The following NFIA variants were observed in gnomAD, a reference collection of about 807,000 sequenced individuals.
NFIA encodes the protein nuclear factor I A, also known as nuclear factor 1 A-type.
NFIA carries 8 observed loss-of-function variants against 62.8 expected under a neutral mutation model. The ratio of observed to expected loss-of-function variants is 0.13; its 90% CI spans 0.07 to 0.23. The LOEUF (loss-of-function observed/expected upper bound fraction) is 0.23. Among genes scored for constraint, NFIA ranks in the 10% least tolerant of loss-of-function variants. NFIA has a pLI of 1.00. For missense variants in NFIA, 410 were observed against 642.1 expected, an observed-to-expected ratio of 0.64 and a Z score of 3.91; for synonymous variants, 235 against 238.1, an observed-to-expected ratio of 0.99 and a Z score of 0.12.
intron 4 of NFIA, among the ~76,000 whole-genome samples, chr1:61,348,738 A>G (rs1308097292): frequency 2.6e-5 from 4 of 152,212 alleles, no homozygotes; most frequent in Non-Finnish European, 5.9e-5. Context: ...ACCACGAGCT[A>G]GGAGGCCTCT....
At chr1:61,248,320 G>T (rs760174208) in intron 2 of NFIA, among the ~76,000 whole-genome samples, 1 of 152,090 alleles carries the variant, frequency 6.6e-6, no homozygotes, top group East Asian at 1.9e-4. Context: ...AAAAGGCTTC[G>T]GTGAGATGGA....
chr1:61,403,205 T>C (rs1228447667), intron 7 of NFIA, among the ~76,000 whole-genome samples: 1 of 152,258 alleles, frequency 6.6e-6, no homozygotes, highest in Non-Finnish European at 1.5e-5. Flanking sequence ...CTATCTTGGC[T>C]TGACTTGGTT....
intron 3 of NFIA, among the ~76,000 whole-genome samples, chr1:61,305,878 C>T (rs1462266723): frequency 6.9e-6 from 1 of 145,456 alleles, no homozygotes; most frequent in Non-Finnish European, 1.5e-5. Context: ...GACAGAGTCT[C>T]ACTCTGTCGC....
intron 2 of NFIA, among the ~76,000 whole-genome samples, chr1:61,122,741 G>C (rs1646907589): frequency 6.6e-6 from 1 of 152,122 alleles, no homozygotes. Flanking sequence ...GTCTGTTCCA[G>C]ATGAGCTGCT....
At chr1:61,243,753 G>A (rs1655482230) in intron 2 of NFIA, among the ~76,000 whole-genome samples, 1 of 152,218 alleles carries the variant, frequency 6.6e-6, no homozygotes, top group African/African-American at 2.4e-5. Context: ...CAATCAGGCA[G>A]TGTTTACGTA....
chr1:61,284,611 T>G (rs949784679), intron 3 of NFIA, among the ~76,000 whole-genome samples: 3 of 152,204 alleles, frequency 2.0e-5, no homozygotes, highest in African/African-American at 4.8e-5. Flanking sequence ...TAAAGTAGTC[T>G]TATCCTCACA....
At chr1:61,414,487 CAT>C (rs540628974) in intron 9 of NFIA, among the ~76,000 whole-genome samples, 15 of 152,104 alleles carry the variant, frequency 9.9e-5, no homozygotes, top group Admixed American at 6.5e-4. Context: ...TTGGCTGTAG[CAT>C]GAGGATCTTT....
chr1:61,363,667 G>A (rs1281156712), intron 6 of NFIA, among the ~76,000 whole-genome samples: 3 of 151,574 alleles, frequency 2.0e-5, no homozygotes, highest in South Asian at 2.1e-4. Flanking sequence ...AAAAATATTC[G>A]ATTTTCCTTA....
intron 7 of NFIA, among the ~76,000 whole-genome samples, chr1:61,399,209 T>A (rs1402718891): frequency 1.3e-5 from 2 of 152,232 alleles, no homozygotes; most frequent in African/African-American, 4.8e-5. Context: ...CTGTTGCCAC[T>A]GCCTTTGTAT....
chr1:61,126,462 A>ACACACACACACACACACT (rs35045816), intron 2 of NFIA, among the ~76,000 whole-genome samples: 22,299 of 145,428 alleles, frequency 0.15, 1,892 homozygotes, highest in Admixed American at 0.19. Context: ...ACACACACAC[A>ACACACACACACACACACT]CACACACACA....
intron 6 of NFIA, among the ~76,000 whole-genome samples, chr1:61,379,782 G>A (rs1382758189): frequency 6.6e-6 from 1 of 151,956 alleles, no homozygotes; most frequent in African/African-American, 2.4e-5. Flanking sequence ...CGAACTCCTG[G>A]CCTGAAGCAA....
upstream of NFIA, chr1:61,082,467 G>T: frequency 3.8e-6 from 4 of 1,065,064 alleles, no homozygotes; most frequent in South Asian, 3.0e-5. Context: ...GCGGGCACCC[G>T]GCCGGGCCGG....
chr1:61,121,020 A>G (rs971217051), intron 2 of NFIA, among the ~76,000 whole-genome samples: 4 of 152,240 alleles, frequency 2.6e-5, no homozygotes, highest in Non-Finnish European at 5.9e-5. Flanking sequence ...TGATAAAAGT[A>G]TTAGCATTGT....
chr1:61,448,595 T>C (rs6696740), intron 10 of NFIA, among the ~76,000 whole-genome samples: 4,482 of 152,288 alleles, frequency 0.029, 213 homozygotes, highest in African/African-American at 0.1. Flanking sequence ...AGTCTAAAAC[T>C]GAGACCTAGT....
intron 6 of NFIA, among the ~76,000 whole-genome samples, chr1:61,372,106 T>C (rs940899795): frequency 6.6e-6 from 1 of 152,136 alleles, no homozygotes; most frequent in African/African-American, 2.4e-5. Flanking sequence ...CCATGAGCAG[T>C]TTTTAGTTTA....
chr1:61,101,659 C>A (rs967620935), intron 2 of NFIA, among the ~76,000 whole-genome samples: 1 of 152,102 alleles, frequency 6.6e-6, no homozygotes, highest in Non-Finnish European at 1.5e-5. Context: ...AGCATAGCCA[C>A]CTAAATTCCC....
At chr1:61,180,590 C>T (rs1365585764) in intron 2 of NFIA, among the ~76,000 whole-genome samples, 1 of 152,146 alleles carries the variant, frequency 6.6e-6, no homozygotes, top group African/African-American at 2.4e-5. Context: ...ATAAGAATGG[C>T]TCAGCAGACA....
intron 2 of NFIA, among the ~76,000 whole-genome samples, chr1:61,240,065 G>C (rs1655251605): frequency 6.6e-6 from 1 of 152,062 alleles, no homozygotes; most frequent in South Asian, 2.1e-4. Context: ...ACTTCAGATG[G>C]ATCCATTTCA....
At chr1:61,239,606 G>A (rs1235168648) in intron 2 of NFIA, among the ~76,000 whole-genome samples, 1 of 152,088 alleles carries the variant, frequency 6.6e-6, no homozygotes, top group Non-Finnish European at 1.5e-5. Context: ...TGTTTGTAAG[G>A]TGGCTTAAAG....
Sources: gnomAD v4.1 joint callset for allele counts (sites outside exome capture counted in the v4.1 genomes callset) on GRCh38, gnomAD v4.1.1 for gene constraint, MANE v1.5 for transcripts, NCBI Gene and HGNC (gene_info 2026-07-23, HGNC 2026-07-21) for gene names.